PCDHGA8: variants seen among roughly 807,000 people sequenced by gnomAD.
The protein encoded by PCDHGA8 is protocadherin gamma-A8.
In PCDHGA8, 45 loss-of-function variants were observed where a neutral mutation model predicts 59.2. The ratio of observed to expected loss-of-function variants is 0.76; its 90% confidence interval spans 0.60 to 0.98. The LOEUF is 0.98. Ranked by LOEUF, PCDHGA8 falls within the 50% of genes least tolerant of loss-of-function variation. PCDHGA8 has a pLI of 0.00. For synonymous variants in PCDHGA8, 531 were observed against 519.0 expected (o/e 1.02, Z -0.32); for missense variants, 1,257 against 1,196.2 (o/e 1.05, Z -0.75).
In PCDHGA8 at chr5:141,418,400, G is replaced by C; in HGVS notation, c.2424+23163G>C. ...AAGTCCTAACGAGTATTTCTCATTGGTGGAGAAAGACAATCCTGATGGTGG... is the reference window on the plus strand; with the variant it reads ...AAGTCCTAACGAGTATTTCTCATTGCTGGAGAAAGACAATCCTGATGGTGG... On this transcript the variant is annotated intron_variant, in intron 1 of 3. Coordinates refer to ENST00000398604, the MANE Select transcript of PCDHGA8 (RefSeq NM_032088.2). The C allele has an allele frequency of 6.2e-7, 1 of 1,613,900 alleles. No homozygotes were observed. The highest frequency in any genetic ancestry group is 8.5e-7 in the Non-Finnish European group (1 of 1,179,794).
chr5:141,400,292 G>T, intron 1 of PCDHGA8: 1 of 1,614,078 alleles, frequency 6.2e-7, no homozygotes, highest in South Asian at 1.1e-5. Flanking sequence ...GCCTGGAGCT[G>T]CTTCCAACCT....
intron 1 of PCDHGA8, 139 bp downstream of exon 1, chr5:141,395,376 T>G (rs1589259426): frequency 1.7e-6 from 2 of 1,180,196 alleles, no homozygotes; most frequent in East Asian, 5.2e-5. Flanking sequence ...TTTGGTGGTG[T>G]TACTATAAAA....
intron 1 of PCDHGA8, chr5:141,479,722 T>C (rs2099504690): frequency 6.6e-6 from 1 of 152,240 alleles, no homozygotes; most frequent in African/African-American, 2.4e-5. Context: ...CCAGCCTTAT[T>C]TTTCTTAAGT....
chr5:141,392,762 G>A lies in PCDHGA8; in HGVS notation c.-52G>A, dbSNP rs1033759244. 8.8e-6 allele frequency: 13 copies of A among 1,478,030 alleles called. No individual in the cohort carries two copies. The African/African-American group carries it at 1.3e-4, about 14-fold the overall frequency. The allele number at this position is 1,478,030 out of a possible 1,614,324, so 91.6% of individuals were successfully genotyped here. ...ATAGCTGCGGCAAGAAACTAAATAA[G>A]ACCCATTTATGCACAGTGAAGATTC... On this transcript the variant is annotated 5_prime_UTR_variant, in exon 1 of 4. Coordinates refer to ENST00000398604, the MANE Select transcript of PCDHGA8 (RefSeq NM_032088.2).
chr5:141,495,918 T>C (rs2099764622), intron 2 of PCDHGA8, among the ~76,000 whole-genome samples: 1 of 152,184 alleles, frequency 6.6e-6, no homozygotes, highest in African/African-American at 2.4e-5. Flanking sequence ...ATATCTTTCT[T>C]TGTCTCTGTC....
intron 1 of PCDHGA8, among the ~76,000 whole-genome samples, chr5:141,480,240 C>CAAA (rs11374694): frequency 1.8e-5 from 2 of 114,046 alleles, no homozygotes; most frequent in Non-Finnish European, 3.8e-5. Context: ...CCTGTCTCTA[C>CAAA]AAAAAAAAAA....
chr5:141,420,488 A>C, intron 1 of PCDHGA8: 1 of 534,916 alleles, frequency 1.9e-6, no homozygotes, highest in East Asian at 3.8e-5. Context: ...CTACATGGGT[A>C]ATCTCCGGTG....
rs540471918 is a variant in PCDHGA8 at position 141,433,283 on chromosome 5, T to C, written c.2424+38046T>C. ...ATCATAGCTCACTGCAGCCTCAAAC[T>C]CCTAGGCTCAAGCAATTATCCCACC... On this transcript the variant is annotated intron_variant, in intron 1 of 3. Coordinates refer to ENST00000398604, the MANE Select transcript of PCDHGA8 (RefSeq NM_032088.2). The C allele has an allele frequency of 4.2e-5, 50 of 1,183,074 alleles. No homozygotes were observed. In the Admixed American group the frequency reaches 7.9e-4, roughly 19 times the overall value. 73.3% of individuals were successfully genotyped at this position (1,183,074 alleles called of 1,614,324 possible).
Position 141,486,544 on chromosome 5 carries a change from G to C in PCDHGA8, c.2425-8263G>C, listed in dbSNP as rs1376583724. Reference sequence around the variant, plus strand: ...ATGATAATCCACCCTCTTTCTTTCAGAGGTCACATGAGGTGTTTGTTCCTG... The same window carrying C: ...ATGATAATCCACCCTCTTTCTTTCACAGGTCACATGAGGTGTTTGTTCCTG... On this transcript the variant is annotated intron_variant, in intron 1 of 3. Coordinates refer to ENST00000398604, the MANE Select transcript of PCDHGA8 (RefSeq NM_032088.2). The surrounding 1 kb of genome is among the most constrained non-coding windows in gnomAD (Gnocchi z 5.0). The C allele has an allele frequency of 6.2e-7, 1 of 1,613,964 alleles. No homozygotes were observed. The highest frequency in any genetic ancestry group is 1.3e-5 in the African/African-American group (1 of 74,932).
Position 141,486,407 on chromosome 5 carries a change from C to T in PCDHGA8, c.2425-8400C>T. The T allele has an allele frequency of 6.2e-7, 1 of 1,614,134 alleles. No individual in the cohort carries two copies. Among genetic ancestry groups the T allele is most frequent in the African/African-American group, 1.3e-5 (1 of 75,046 alleles). ...CCAGTTCTCCCTGGTGACTGCTGGA[C>T]CCTTGGATCGAGAGGCCAAATCTAG... On this transcript the variant is annotated intron_variant, in intron 1 of 3. Coordinates refer to ENST00000398604, the MANE Select transcript of PCDHGA8 (RefSeq NM_032088.2). This position sits in a 1 kb window ranked among gnomAD's most constrained non-coding sequence, Gnocchi z 5.0.
chr5:141,455,055 G>T (rs1019622889), intron 1 of PCDHGA8, among the ~76,000 whole-genome samples: 1 of 151,602 alleles, frequency 6.6e-6, no homozygotes, highest in African/African-American at 2.4e-5. Flanking sequence ...CTCGTGATCC[G>T]CCCGCCTCGG....
chr5:141,403,210 C>A (rs369033480), intron 1 of PCDHGA8: 2 of 1,613,828 alleles, frequency 1.2e-6, no homozygotes, highest in African/African-American at 2.7e-5. Context: ...CCTTGGTCAC[C>A]GCGGGTAGGA....
In PCDHGA8 at chr5:141,432,688, A is replaced by T; in HGVS notation, c.2424+37451A>T. 1 of 1,613,896 alleles carries T rather than the reference A, an allele frequency of 6.2e-7. No homozygotes were observed. The highest frequency in any genetic ancestry group is 1.1e-5 in the South Asian group (1 of 91,078). ...GAGACGCGCTCAAGCAGAGCCTCGTAGTGGCCGTCCAGGACCACGGCCAGC... is the reference window on the plus strand; with the variant it reads ...GAGACGCGCTCAAGCAGAGCCTCGTTGTGGCCGTCCAGGACCACGGCCAGC... On this transcript the variant is annotated intron_variant, in intron 1 of 3. Transcript: ENST00000398604. This position sits in a 1 kb window ranked among gnomAD's most constrained non-coding sequence, Gnocchi z 6.0.
At chr5:141,500,699 A>G (rs780869966) in intron 2 of PCDHGA8, among the ~76,000 whole-genome samples, 1 of 152,156 alleles carries the variant, frequency 6.6e-6, no homozygotes, top group Non-Finnish European at 1.5e-5. Context: ...TCTTCTTTGC[A>G]GTGTATCATG....
Position 141,489,793 on chromosome 5 carries a change from C to T in PCDHGA8, c.2425-5014C>T, listed in dbSNP as rs749700050. On this transcript the variant is annotated intron_variant, in intron 1 of 3. Transcript: ENST00000398604. The surrounding 1 kb of genome is among the most constrained non-coding windows in gnomAD (Gnocchi z 4.5). ...CCACTTCTCTCTGAATGTGAAGACC[C>T]TAAAAGATGGGAAGCCATTCCCAGA... The T allele has an allele frequency of 6.2e-7, 1 of 1,614,044 alleles. No homozygotes were observed. Among genetic ancestry groups the T allele is most frequent in the Non-Finnish European group, 8.5e-7 (1 of 1,180,010 alleles).
intron 1 of PCDHGA8, chr5:141,400,372 A>G: frequency 6.2e-7 from 1 of 1,613,980 alleles, no homozygotes; most frequent in Non-Finnish European, 8.5e-7. Flanking sequence ...TTATTCCTAC[A>G]ACCTATGTGT....
At position 141,511,260 on chromosome 5, in the gene PCDHGA8, G is replaced by A; in HGVS notation, c.*87G>A. 6.4e-7 allele frequency: 1 copy of A among 1,558,596 alleles called. No individual in the cohort carries two copies. Among genetic ancestry groups the A allele is most frequent in the Non-Finnish European group, 8.7e-7 (1 of 1,151,758 alleles). On this transcript the variant is annotated 3_prime_UTR_variant, in exon 4 of 4. Transcript: ENST00000398604. ...CCTGCACCCAGGCCTCAGAGTTTCA[G>A]GGCTAACCCCCAGAATACTGGTAGG...
Position 141,489,576 on chromosome 5 carries a change from C to G in PCDHGA8, c.2425-5231C>G. 6.2e-7 allele frequency: 1 copy of G among 1,614,054 alleles called. No individual in the cohort carries two copies. Among genetic ancestry groups the G allele is most frequent in the Non-Finnish European group, 8.5e-7 (1 of 1,179,976 alleles). On this transcript the variant is annotated intron_variant, in intron 1 of 3. Coordinates refer to ENST00000398604, the MANE Select transcript of PCDHGA8 (RefSeq NM_032088.2). This position sits in a 1 kb window ranked among gnomAD's most constrained non-coding sequence, Gnocchi z 4.5. ...TGCCAGTGCAGGTGGTGACTGAACA[C>G]CCCCTGGAGCTAATCCGTGTAGAGG...
At chr5:141,408,697 C>T (rs58047392) in intron 1 of PCDHGA8, 227,396 of 1,612,898 alleles carry the variant, frequency 0.14, 18,149 homozygotes, top group African/African-American at 0.31. Context: ...TAAACATAAA[C>T]TCAATTAAAG....
Sources: gnomAD v4.1 joint callset for allele counts (sites outside exome capture counted in the v4.1 genomes callset) on GRCh38, gnomAD v4.1.1 for gene constraint, Gnocchi (gnomAD v3.1) non-coding constraint, MANE v1.5 for transcripts, NCBI Gene and HGNC (gene_info 2026-07-23, HGNC 2026-07-21) for gene names.